NCKAP5: variants seen among roughly 807,000 people sequenced by gnomAD.
NCKAP5 encodes the protein nck-associated protein 5.
NCKAP5 carries 92 observed loss-of-function variants against 167.0 expected under a neutral mutation model. The ratio of observed to expected loss-of-function variants is 0.55; its 90% confidence interval spans 0.47 to 0.66. The LOEUF is 0.66. NCKAP5 is among the 30% of genes least tolerant of loss of function. NCKAP5 has a pLI of 0.00. For missense variants in NCKAP5, 2,378 were observed against 2,315.0 expected, an observed-to-expected ratio of 1.03 and a Z score of -0.56; for synonymous variants, 891 against 877.4, an observed-to-expected ratio of 1.02 and a Z score of -0.27.
At chr2:132,796,186 G>A (rs1684589936) in intron 12 of NCKAP5, among the ~76,000 whole-genome samples, 1 of 152,120 alleles carries the variant, frequency 6.6e-6, no homozygotes, top group African/African-American at 2.4e-5. Flanking sequence ...GTCAACGAGA[G>A]TTAAAAAGCC....
intron 11 of NCKAP5, among the ~76,000 whole-genome samples, chr2:132,804,969 A>C (rs1245090115): frequency 6.6e-6 from 1 of 151,988 alleles, no homozygotes; most frequent in Non-Finnish European, 1.5e-5. Flanking sequence ...TTTACAAGGC[A>C]AATCCTATGG....
In NCKAP5 at chr2:132,978,387, G is replaced by A. The variant is rs2077037778; in HGVS notation, c.430-14518C>T. 2.0e-5 allele frequency among the ~76,000 whole-genome samples: 3 copies of A among 152,188 alleles called. No individual in the cohort carries two copies. The South Asian group carries it at 6.2e-4, about 32-fold the overall frequency. The stretch of plus-strand genomic sequence containing the variant: ...TAGGGAGGGGAAAGTAGAAAACTGA[G>A]CATCCACTGAGCTGGATGCTGGTTC... On this transcript the variant is annotated intron_variant, in intron 7 of 19. Coordinates refer to ENST00000409261, the MANE Select transcript of NCKAP5 (RefSeq NM_207363.3).
intron 3 of NCKAP5, among the ~76,000 whole-genome samples, chr2:133,330,857 A>G (rs539669111): frequency 6.6e-6 from 1 of 152,312 alleles, no homozygotes; most frequent in Admixed American, 6.5e-5. Flanking sequence ...TGATTATGCC[A>G]CTGTACTCTA....
chr2:132,861,980 T>C (rs897911473), intron 10 of NCKAP5, among the ~76,000 whole-genome samples: 1 of 152,232 alleles, frequency 6.6e-6, no homozygotes, highest in African/African-American at 2.4e-5. Context: ...CTAAAGGGGA[T>C]GATGATGGCA....
chr2:133,482,971 T>C (rs1680585749), intron 3 of NCKAP5, among the ~76,000 whole-genome samples: 1 of 152,206 alleles, frequency 6.6e-6, no homozygotes, highest in Non-Finnish European at 1.5e-5. Context: ...TTATATCTCA[T>C]TTTTCCATGA....
chr2:132,909,633 TG>T (rs1694285688), intron 8 of NCKAP5, among the ~76,000 whole-genome samples: 1 of 152,204 alleles, frequency 6.6e-6, no homozygotes, highest in South Asian at 2.1e-4. Context: ...TAACTGCTTG[TG>T]TTCTAACTCC....
intron 19 of NCKAP5, among the ~76,000 whole-genome samples, chr2:132,675,458 T>G (rs1684314464): frequency 6.6e-6 from 1 of 152,188 alleles, no homozygotes; most frequent in African/African-American, 2.4e-5. Flanking sequence ...GTTCTCAAAG[T>G]GTGTTCCCCA....
At chr2:132,827,211 AT>A (rs1217933439) in intron 11 of NCKAP5, among the ~76,000 whole-genome samples, 9 of 152,018 alleles carry the variant, frequency 5.9e-5, no homozygotes, top group Non-Finnish European at 1.2e-4. Context: ...TGTGATATAT[AT>A]TTTTTTAATT....
chr2:133,159,684 T>TAG (rs1472356872), intron 5 of NCKAP5, among the ~76,000 whole-genome samples: 1 of 152,180 alleles, frequency 6.6e-6, no homozygotes, highest in African/African-American at 2.4e-5. Context: ...TCATGGTAGT[T>TAG]AGAGAAGGCT....
At chr2:133,070,707 C>T (rs927359423) in intron 6 of NCKAP5, among the ~76,000 whole-genome samples, 1 of 152,080 alleles carries the variant, frequency 6.6e-6, no homozygotes, top group Non-Finnish European at 1.5e-5. Flanking sequence ...CACAAATTCA[C>T]ATACATGCAG....
At chr2:133,272,940 A>G (rs1268793868) in intron 4 of NCKAP5, among the ~76,000 whole-genome samples, 3 of 152,192 alleles carry the variant, frequency 2.0e-5, no homozygotes, top group African/African-American at 7.2e-5. Flanking sequence ...CATTTTATTT[A>G]TCCATTCATC....
At chr2:133,595,371 CCCTTCTTCTTCCTCCT>C in the NCKAP5 span, among the ~76,000 whole-genome samples, 1 of 140,242 alleles carries the variant, frequency 7.1e-6, no homozygotes, top group Non-Finnish European at 1.6e-5. Context: ...CTCATCCTCC[CCCTTCTTCTTCCTCCT>C]CCTCCTCTTC....
the NCKAP5 span, among the ~76,000 whole-genome samples, chr2:133,611,122 C>A: frequency 1.1e-5 from 1 of 87,818 alleles, no homozygotes; most frequent in Non-Finnish European, 3.1e-5. Context: ...CATGTTAATG[C>A]CCGAAAAAAA....
chr2:133,284,169 A>G (rs2090024308), intron 4 of NCKAP5, among the ~76,000 whole-genome samples: 1 of 151,796 alleles, frequency 6.6e-6, no homozygotes, highest in African/African-American at 2.4e-5. Context: ...GCATATATAT[A>G]TATATGATTG....
intron 11 of NCKAP5, among the ~76,000 whole-genome samples, chr2:132,827,039 C>T (rs1259992156): frequency 1.4e-4 from 21 of 152,068 alleles, no homozygotes; most frequent in Admixed American, 1.2e-3. Flanking sequence ...AAAGAGGCTG[C>T]TTTTCATGGG....
Position 132,782,062 on chromosome 2 carries a change from T to G in NCKAP5, c.4749A>C (p.Gln1583His). 1 of 1,614,072 alleles carries G rather than the reference T, an allele frequency of 6.2e-7. No individual in the cohort carries two copies. Among genetic ancestry groups the G allele is most frequent in the Non-Finnish European group, 8.5e-7 (1 of 1,179,902 alleles). ...GTGGTGTTCTCCGATTATTTTTGCT[T>G]TGTAAACCGCCATCTGGATTATCTG... ...KSADNPDGGL[Q>H]SKNNRRTPQD... The change falls in exon 14 of 20, where the codon CAA becomes CAC. Residue 1583 changes from glutamine (Q) to histidine (H), a missense_variant. Coordinates refer to ENST00000409261, the MANE Select transcript of NCKAP5 (RefSeq NM_207363.3).
At chr2:132,705,406 T>A (rs1446688068) in intron 19 of NCKAP5, among the ~76,000 whole-genome samples, 1 of 152,154 alleles carries the variant, frequency 6.6e-6, no homozygotes, top group Non-Finnish European at 1.5e-5. Context: ...ACTACCCCTA[T>A]CATTCTACTA....
At chr2:133,661,204 G>A in the NCKAP5 span, among the ~76,000 whole-genome samples, 2 of 152,038 alleles carry the variant, frequency 1.3e-5, no homozygotes, top group African/African-American at 2.4e-5. Context: ...AAAGAGAGAT[G>A]TTTGCCTGAA....
At chr2:133,560,851 TA>T (rs1688106058) in intron 1 of NCKAP5, among the ~76,000 whole-genome samples, 2 of 152,188 alleles carry the variant, frequency 1.3e-5, no homozygotes, top group South Asian at 4.1e-4. Flanking sequence ...AGGCAGCAAG[TA>T]TAACTTGTGC....
Sources: allele counts gnomAD v4.1 joint callset (sites outside exome capture counted in the v4.1 genomes callset), GRCh38; gene constraint gnomAD v4.1.1; transcripts MANE v1.5; gene names NCBI Gene and HGNC (gene_info 2026-07-23, HGNC 2026-07-21).